FLRT2: variants seen among roughly 807,000 people sequenced by gnomAD.
FLRT2 encodes the protein leucine-rich repeat transmembrane protein FLRT2.
Under a neutral mutation model 40.0 loss-of-function variants are expected in FLRT2, and 15 were observed. The ratio of observed to expected loss-of-function variants is 0.38; its 90% CI spans 0.25 to 0.58. The LOEUF (loss-of-function observed/expected upper bound fraction) is 0.58, where lower values mean the gene tolerates loss of function less well. Ranked by LOEUF, FLRT2 falls within the 20% of genes least tolerant of loss-of-function variation. The pLI is 0.71. For missense variants in FLRT2, 726 were observed against 840.0 expected (o/e 0.86, Z 1.68); for synonymous variants, 380 against 336.8 (o/e 1.13, Z -1.41).
At position 85,641,981 on chromosome 14, in the gene FLRT2, A is replaced by G. The variant is rs1053758543; in HGVS notation, c.*18484A>G. ...ATTTTATGATGAGAATGTAAATATA[A>G]TAATTGTGAGGTAGGCTGAAGCATG... On this transcript the variant is annotated 3_prime_UTR_variant, in exon 2 of 2. Transcript: ENST00000330753. The G allele has an allele frequency of 1.3e-5, 2 of 152,174 alleles. No individual in the cohort carries two copies. The highest frequency in any genetic ancestry group is 2.4e-5 in the African/African-American group (1 of 41,450). 9.4% of individuals were successfully genotyped at this position (152,174 alleles called of 1,614,324 possible). A position where few individuals can be genotyped will look rare whatever the true frequency, so the allele number is the denominator to read the frequency against.
chr14:85,636,053 A>G lies in FLRT2; in HGVS notation c.*12556A>G, dbSNP rs544049140. 1 of 152,252 alleles carries G rather than the reference A, an allele frequency of 6.6e-6. No individual in the cohort carries two copies. Among genetic ancestry groups the G allele is most frequent in the Admixed American group, 6.5e-5 (1 of 15,290 alleles). 9.4% of individuals were successfully genotyped at this position (152,252 alleles called of 1,614,324 possible). On this transcript the variant is annotated 3_prime_UTR_variant, in exon 2 of 2. Transcript: ENST00000330753. Reference sequence around the variant, plus strand: ...TTGGAAAGTGGTCCTTGGGACTCAGATTAAGGTATCATTACCTGTTCTTTC... The same window carrying G: ...TTGGAAAGTGGTCCTTGGGACTCAGGTTAAGGTATCATTACCTGTTCTTTC...
chr14:85,576,487 C>A (rs941526292), intron 1 of FLRT2, among the ~76,000 whole-genome samples: 1 of 152,168 alleles, frequency 6.6e-6, no homozygotes, highest in African/African-American at 2.4e-5. Flanking sequence ...TGCTTGCAAA[C>A]TGGGAGCTTT....
At position 85,537,243 on chromosome 14, in the gene FLRT2, A is replaced by G. The variant is rs113550301; in HGVS notation, c.-377+6709A>G. Among the ~76,000 whole-genome samples, 595 of 152,306 alleles carry G rather than the reference A, an allele frequency of 3.9e-3. 4 individuals are homozygous for G. The highest frequency in any genetic ancestry group is 0.014 in the African/African-American group (576 of 41,566). ...ATTTTAGCCGATTATTTCAAATGCT[A>G]ATTGAAGACAAAGTTTACTGAATTT... On this transcript the variant is annotated intron_variant, in intron 1 of 1. Transcript: ENST00000330753.
At chr14:85,560,195 G>A (rs1322831960) in intron 1 of FLRT2, among the ~76,000 whole-genome samples, 1 of 152,072 alleles carries the variant, frequency 6.6e-6, no homozygotes, top group African/African-American at 2.4e-5. Flanking sequence ...GTTTTTCCTT[G>A]TGTCTATAGG....
At chr14:85,543,656 C>T (rs1889108577) in intron 1 of FLRT2, among the ~76,000 whole-genome samples, 1 of 152,160 alleles carries the variant, frequency 6.6e-6, no homozygotes, top group Non-Finnish European at 1.5e-5. Context: ...ACTCCTCAGA[C>T]CTCATTGTTC....
chr14:85,605,054 A>G (rs953533723), intron 1 of FLRT2, among the ~76,000 whole-genome samples: 1 of 152,176 alleles, frequency 6.6e-6, no homozygotes, highest in Non-Finnish European at 1.5e-5. Flanking sequence ...GGCAGTCAGA[A>G]GTGCCTGGGT....
chr14:85,607,026 T>C (rs757463618), intron 1 of FLRT2, among the ~76,000 whole-genome samples: 86 of 151,972 alleles, frequency 5.7e-4, no homozygotes, highest in Middle Eastern at 6.8e-3. Context: ...TGTAGCCACC[T>C]GGAGGGACAC....
In FLRT2 at chr14:85,633,021, G is replaced by C. The variant is rs1375078036; in HGVS notation, c.*9524G>C. ...TTGAATAAATGACATGAAGCACCAT[G>C]TATTTTTCATGCAGATGTAATTCAC... On this transcript the variant is annotated 3_prime_UTR_variant, in exon 2 of 2. Transcript: ENST00000330753. The C allele has an allele frequency of 6.6e-6, 1 of 152,204 alleles. No individual in the cohort carries two copies. Among genetic ancestry groups the C allele is most frequent in the African/African-American group, 2.4e-5 (1 of 41,438 alleles). 9.4% of individuals were successfully genotyped at this position (152,204 alleles called of 1,614,324 possible).
At chr14:85,617,605 G>T (rs937611215) in intron 1 of FLRT2, among the ~76,000 whole-genome samples, 2 of 152,202 alleles carry the variant, frequency 1.3e-5, no homozygotes, top group East Asian at 1.9e-4. Context: ...GAAATGCAAA[G>T]AAAATTTAAA....
chr14:85,551,952 A>G (rs1174793088), intron 1 of FLRT2, among the ~76,000 whole-genome samples: 2 of 152,298 alleles, frequency 1.3e-5, no homozygotes, highest in East Asian at 3.9e-4. Context: ...ACCAAAGGTC[A>G]TGTCCCTTTC....
intron 1 of FLRT2, among the ~76,000 whole-genome samples, chr14:85,597,318 A>C (rs1892183985): frequency 6.6e-6 from 1 of 152,236 alleles, no homozygotes; most frequent in Non-Finnish European, 1.5e-5. Flanking sequence ...TCTCTTATTA[A>C]CTAAGACAGG....
At chr14:85,534,120 G>T (rs1888489472) in intron 1 of FLRT2, among the ~76,000 whole-genome samples, 1 of 152,210 alleles carries the variant, frequency 6.6e-6, no homozygotes, top group Non-Finnish European at 1.5e-5. Context: ...AGATCCCGGG[G>T]ATGAGCACCG....
At chr14:85,570,102 C>T (rs1566733317) in intron 1 of FLRT2, among the ~76,000 whole-genome samples, 1 of 152,230 alleles carries the variant, frequency 6.6e-6, no homozygotes, top group Non-Finnish European at 1.5e-5. Context: ...CTGATATTAA[C>T]AGCCATCACC....
intron 1 of FLRT2, among the ~76,000 whole-genome samples, chr14:85,598,954 G>C (rs989450582): frequency 1.6e-5 from 2 of 123,122 alleles, no homozygotes; most frequent in African/African-American, 3.2e-5. Flanking sequence ...GTCTCGCTCT[G>C]TCGCCCAGGC....
intron 1 of FLRT2, among the ~76,000 whole-genome samples, chr14:85,531,481 G>C (rs1020097850): frequency 6.6e-6 from 1 of 152,148 alleles, no homozygotes; most frequent in African/African-American, 2.4e-5. Flanking sequence ...GATCAAGGTT[G>C]CAAGCTGAGG....
At position 85,639,888 on chromosome 14, in the gene FLRT2, C is replaced by G. The variant is rs1473941346; in HGVS notation, c.*16391C>G. 7.4e-6 allele frequency: 1 copy of G among 134,768 alleles called. No homozygotes were observed. The highest frequency in any genetic ancestry group is 2.8e-5 in the African/African-American group (1 of 35,834). The allele number at this position is 134,768 out of a possible 1,614,324, so 8.3% of individuals were successfully genotyped here. Reference sequence around the variant, plus strand: ...TTTTGAGACAGTGTCTCGCTCTGTCCCCCAGGCCAGAGTGCAGCGGCGTGA... The same window carrying G: ...TTTTGAGACAGTGTCTCGCTCTGTCGCCCAGGCCAGAGTGCAGCGGCGTGA... On this transcript the variant is annotated 3_prime_UTR_variant, in exon 2 of 2. Transcript: ENST00000330753.
Position 85,644,157 on chromosome 14 carries a change from A to G in FLRT2, c.*20660A>G, listed in dbSNP as rs148533238. 5.9e-4 allele frequency: 90 copies of G among 151,836 alleles called. No homozygotes were observed. The highest frequency in any genetic ancestry group is 2.0e-3 in the African/African-American group (84 of 41,348). The allele number at this position is 151,836 out of a possible 1,614,324, so 9.4% of individuals were successfully genotyped here. On this transcript the variant is annotated 3_prime_UTR_variant, in exon 2 of 2. Coordinates refer to ENST00000330753, the MANE Select transcript of FLRT2 (RefSeq NM_013231.6). ...TTAACTTGATTTTTTTTTTTAATCT[A>G]TGAAGTAGTTGGCTATGTTTTGGAG...
rs367816985 is a variant in FLRT2, at chr14:85,640,298, T to C, written c.*16801T>C. 14 of 152,348 alleles carry C rather than the reference T, an allele frequency of 9.2e-5. No individual in the cohort carries two copies. In the East Asian group the frequency reaches 2.3e-3, roughly 25 times the overall value. 9.4% of individuals were successfully genotyped at this position (152,348 alleles called of 1,614,324 possible). On this transcript the variant is annotated 3_prime_UTR_variant, in exon 2 of 2. Coordinates refer to ENST00000330753, the MANE Select transcript of FLRT2 (RefSeq NM_013231.6). ...ACTTTATTTCCAAAACTGTATATTT[T>C]ATCAGGACAGTAAGGCAATCAGTGG...
intron 1 of FLRT2, among the ~76,000 whole-genome samples, chr14:85,561,718 T>G (rs1890333045): frequency 6.6e-6 from 1 of 152,190 alleles, no homozygotes; most frequent in Admixed American, 6.5e-5. Context: ...AATGATAAAG[T>G]AGGAACGAGA....
Sources: gnomAD v4.1 joint callset for allele counts (sites outside exome capture counted in the v4.1 genomes callset) on GRCh38, gnomAD v4.1.1 for gene constraint, MANE v1.5 for transcripts, NCBI Gene and HGNC (gene_info 2026-07-23, HGNC 2026-07-21) for gene names.